Variants in TBCA observed in about 807,000 individuals in gnomAD.
TBCA encodes tubulin folding cofactor A.
A neutral mutation model predicts 15.8 loss-of-function variants in TBCA; 6 were observed. The ratio of observed to expected loss-of-function variants is 0.38; its 90% CI spans 0.21 to 0.75. TBCA has a LOEUF of 0.75. Ranked by LOEUF, TBCA falls within the 30% of genes least tolerant of loss-of-function variation. The pLI is 0.46. For synonymous variants in TBCA, 32 were observed against 42.3 expected (o/e 0.76, Z 0.94); for missense variants, 90 against 131.2 (o/e 0.69, Z 1.53).
Position 77,691,393 on chromosome 5 carries a change from A to G in TBCA, c.*25T>C. Reference sequence around the variant, plus strand: ...AAAATGGACCCCAGGATTTAATGCAAAAACCACCCCATACGAGAAAAGTTT... The same window carrying G: ...AAAATGGACCCCAGGATTTAATGCAGAAACCACCCCATACGAGAAAAGTTT... On this transcript the variant is annotated 3_prime_UTR_variant, in exon 4 of 4. Transcript: ENST00000380377. The G allele has an allele frequency of 6.3e-7, 1 of 1,586,418 alleles. No homozygotes were observed. Among genetic ancestry groups the G allele is most frequent in the East Asian group, 2.3e-5 (1 of 44,304 alleles).
At chr5:77,746,886 G>A (rs991784098) in intron 1 of TBCA, among the ~76,000 whole-genome samples, 3 of 151,918 alleles carry the variant, frequency 2.0e-5, no homozygotes, top group Admixed American at 6.6e-5. Context: ...CAGTTTCTTC[G>A]AAATAAAATT....
At chr5:77,774,107 G>C (rs1226088022) in intron 1 of TBCA, among the ~76,000 whole-genome samples, 1 of 152,124 alleles carries the variant, frequency 6.6e-6, no homozygotes, top group Non-Finnish European at 1.5e-5. Context: ...TTGGAACTCA[G>C]GAACAATTGA....
At chr5:77,745,625 G>A (rs1747169117) in intron 1 of TBCA, among the ~76,000 whole-genome samples, 1 of 152,216 alleles carries the variant, frequency 6.6e-6, no homozygotes, top group South Asian at 2.1e-4. Flanking sequence ...ACTGGTGATG[G>A]TATAGGGGGC....
chr5:77,756,001 A>C (rs537724442), intron 1 of TBCA, among the ~76,000 whole-genome samples: 1 of 152,254 alleles, frequency 6.6e-6, no homozygotes, highest in South Asian at 2.1e-4. Context: ...GCGAAACTTT[A>C]TCTCAAAAAA....
chr5:77,716,773 T>C (rs1159892613), intron 1 of TBCA, among the ~76,000 whole-genome samples: 1 of 152,198 alleles, frequency 6.6e-6, no homozygotes, highest in East Asian at 1.9e-4. Flanking sequence ...CAGGCATTGT[T>C]AGGTGCCTAC....
intron 1 of TBCA, among the ~76,000 whole-genome samples, chr5:77,739,652 G>A (rs908941150): frequency 3.3e-5 from 5 of 152,166 alleles, no homozygotes; most frequent in Middle Eastern, 3.4e-3. Context: ...CGTTTCCTGC[G>A]CTGTTAACAA....
At chr5:77,714,225 C>A (rs910865848) in intron 1 of TBCA, among the ~76,000 whole-genome samples, 10 of 151,932 alleles carry the variant, frequency 6.6e-5, no homozygotes, top group African/African-American at 2.2e-4. Context: ...GAGGCTGAGC[C>A]AGGAGAATCG....
intron 1 of TBCA, among the ~76,000 whole-genome samples, chr5:77,723,508 A>C (rs1161636006): frequency 6.6e-6 from 1 of 151,946 alleles, no homozygotes; most frequent in African/African-American, 2.4e-5. Context: ...GAACAGACTA[A>C]ATGTCTAGCT....
At chr5:77,714,669 C>A (rs994804929) in intron 1 of TBCA, among the ~76,000 whole-genome samples, 1 of 151,978 alleles carries the variant, frequency 6.6e-6, no homozygotes, top group South Asian at 2.1e-4. Flanking sequence ...CAGGTTCATG[C>A]CATTCTCCTG....
intron 1 of TBCA, among the ~76,000 whole-genome samples, chr5:77,762,761 T>G (rs938928662): frequency 6.6e-6 from 1 of 152,100 alleles, no homozygotes; most frequent in Non-Finnish European, 1.5e-5. Context: ...CTTAACTAAG[T>G]GCACAGTCCT....
chr5:77,741,483 G>A (rs958896605), intron 1 of TBCA, among the ~76,000 whole-genome samples: 10 of 152,074 alleles, frequency 6.6e-5, no homozygotes, highest in African/African-American at 2.2e-4. Flanking sequence ...TTGATGGTGC[G>A]TGGGGCACAT....
chr5:77,765,908 A>G (rs1237654883), intron 1 of TBCA, among the ~76,000 whole-genome samples: 2 of 151,664 alleles, frequency 1.3e-5, no homozygotes, highest in African/African-American at 4.8e-5. Context: ...AAAGAAAACT[A>G]AACTACATAT....
intron 2 of TBCA, among the ~76,000 whole-genome samples, chr5:77,696,950 T>G (rs992341378): frequency 5.3e-5 from 8 of 152,122 alleles, no homozygotes; most frequent in African/African-American, 1.9e-4. Flanking sequence ...GTGGCTAAAC[T>G]AATACCAGAT....
At chr5:77,761,581 C>T (rs574183276) in intron 1 of TBCA, among the ~76,000 whole-genome samples, 1 of 151,980 alleles carries the variant, frequency 6.6e-6, no homozygotes, top group Non-Finnish European at 1.5e-5. Context: ...CCACTATTAT[C>T]CTATGACCCT....
chr5:77,766,021 A>G (rs567946279), intron 1 of TBCA, among the ~76,000 whole-genome samples: 1 of 152,326 alleles, frequency 6.6e-6, no homozygotes, highest in South Asian at 2.1e-4. Flanking sequence ...CAATGTACAA[A>G]TTCCTTAAGC....
chr5:77,692,746 A>G (rs1580086153), intron 3 of TBCA: 1 of 993,892 alleles, frequency 1.0e-6, no homozygotes, highest in Non-Finnish European at 1.2e-6. Flanking sequence ...TCTGTATCAC[A>G]AGGCATTTAT....
In TBCA at chr5:77,750,420, C is replaced by T. The variant is rs370970558; in HGVS notation, c.53+25785G>A. Among the ~76,000 whole-genome samples, 7 of 152,008 alleles carry T rather than the reference C, an allele frequency of 4.6e-5. No homozygotes were observed. In the South Asian group the frequency reaches 1.2e-3, roughly 27 times the overall value. ...GCTCTGGGGATGTGTTCCTGACTCA[C>T]GAAGTTTATACTAGTGGAGATTAAT... On this transcript the variant is annotated intron_variant, in intron 1 of 3. Transcript: ENST00000380377.
At chr5:77,758,886 T>A (rs1580133196) in intron 1 of TBCA, among the ~76,000 whole-genome samples, 1 of 152,202 alleles carries the variant, frequency 6.6e-6, no homozygotes, top group African/African-American at 2.4e-5. Flanking sequence ...TTAAGTATTA[T>A]CTGTTTGGGA....
At chr5:77,751,352 C>A (rs1039714547) in intron 1 of TBCA, among the ~76,000 whole-genome samples, 1 of 151,636 alleles carries the variant, frequency 6.6e-6, no homozygotes, top group Admixed American at 6.6e-5. Context: ...TTAGTAAAGA[C>A]AATTTTTTGT....
Sources: gnomAD v4.1 joint callset for allele counts (sites outside exome capture counted in the v4.1 genomes callset) on GRCh38, gnomAD v4.1.1 for gene constraint, MANE v1.5 for transcripts, NCBI Gene and HGNC (gene_info 2026-07-23, HGNC 2026-07-21) for gene names.